Variants in INTU observed in about 807,000 individuals in gnomAD.
The protein encoded by INTU is inturned planar cell polarity protein.
A neutral mutation model predicts 100.5 loss-of-function variants in INTU; 68 were observed. The ratio of observed to expected loss-of-function variants is 0.68; its 90% CI spans 0.56 to 0.83. INTU has a LOEUF of 0.83. Among genes scored for constraint, INTU ranks in the 40% least tolerant of loss-of-function variants. The pLI, the probability that INTU is intolerant of heterozygous loss-of-function variation, is 0.00. For missense variants in INTU, 1,071 were observed against 1,114.7 expected, an observed-to-expected ratio of 0.96 and a Z score of 0.56; for synonymous variants, 357 against 395.7, an observed-to-expected ratio of 0.90 and a Z score of 1.16.
At chr4:127,698,259 G>A (rs531705642) in intron 8 of INTU, among the ~76,000 whole-genome samples, 9 of 152,052 alleles carry the variant, frequency 5.9e-5, no homozygotes, top group South Asian at 2.1e-4. Flanking sequence ...TCAGGAGTTC[G>A]AGACCATCCT....
intron 13 of INTU, among the ~76,000 whole-genome samples, chr4:127,709,711 TCACACACACACA>T (rs3066389): frequency 2.1e-5 from 3 of 143,304 alleles, no homozygotes; most frequent in African/African-American, 7.9e-5. Context: ...CTAATAGAAT[TCACACACACACA>T]CACACACACA....
At chr4:127,642,160 T>C (rs1272057066) in intron 1 of INTU, among the ~76,000 whole-genome samples, 1 of 152,148 alleles carries the variant, frequency 6.6e-6, no homozygotes, top group Non-Finnish European at 1.5e-5. Context: ...CTCTCAAGAG[T>C]AGAACTGCAT....
At chr4:127,679,383 C>T (rs1164826600) in intron 6 of INTU, among the ~76,000 whole-genome samples, 4 of 152,050 alleles carry the variant, frequency 2.6e-5, no homozygotes, top group Admixed American at 1.3e-4. Context: ...TGTAAAAGAA[C>T]AGAAATTATA....
At chr4:127,638,037 T>TCCA (rs1727150511) in intron 1 of INTU, among the ~76,000 whole-genome samples, 1 of 152,174 alleles carries the variant, frequency 6.6e-6, no homozygotes, top group Non-Finnish European at 1.5e-5. Flanking sequence ...CCAGCATACA[T>TCCA]GTTAATGATT....
At chr4:127,678,032 A>G (rs372452003) in intron 6 of INTU, among the ~76,000 whole-genome samples, 3 of 152,266 alleles carry the variant, frequency 2.0e-5, no homozygotes, top group East Asian at 1.9e-4. Flanking sequence ...GAAATGAAGC[A>G]AGAAGGGAAG....
At chr4:127,678,351 C>G (rs1057365645) in intron 6 of INTU, among the ~76,000 whole-genome samples, 9 of 152,102 alleles carry the variant, frequency 5.9e-5, no homozygotes, top group Non-Finnish European at 8.8e-5. Flanking sequence ...CAGCCAGAGA[C>G]AAAGTTCGGG....
intron 5 of INTU, among the ~76,000 whole-genome samples, chr4:127,670,453 AGT>A (rs1728873808): frequency 1.3e-5 from 2 of 151,964 alleles, no homozygotes; most frequent in Non-Finnish European, 2.9e-5. Flanking sequence ...ACAAACTGTT[AGT>A]TTATTTTCAA....
intron 5 of INTU, among the ~76,000 whole-genome samples, chr4:127,673,319 C>G (rs1169516749): frequency 1.3e-5 from 2 of 151,226 alleles, no homozygotes; most frequent in Admixed American, 6.6e-5. Context: ...TAGCTAGGGA[C>G]TACAGGACCA....
Position 127,719,072 on chromosome 4 carries a change from G to T in INTU, c.*2636G>T, listed in dbSNP as rs1251722895. The T allele has an allele frequency of 6.6e-6, 1 of 152,164 alleles. No individual in the cohort carries two copies. The highest frequency in any genetic ancestry group is 6.5e-5 in the Admixed American group (1 of 15,272). The allele number at this position is 152,164 out of a possible 1,614,324, so 9.4% of individuals were successfully genotyped here. ...CTTGTCTTGTGCTGGTTTTCAAGGG[G>T]AGTGCTTCCAGCTTTTGCCCATTCG... On this transcript the variant is annotated 3_prime_UTR_variant, in exon 16 of 16. Coordinates refer to ENST00000335251, the MANE Select transcript of INTU (RefSeq NM_015693.4).
chr4:127,687,507 A>G, intron 7 of INTU, 171 bp from the exon 8 acceptor site: 1 of 497,308 alleles, frequency 2.0e-6, no homozygotes, highest in Non-Finnish European at 3.5e-6. Context: ...GGACAGGGTA[A>G]ATTTCTTTAC....
intron 1 of INTU, among the ~76,000 whole-genome samples, chr4:127,640,339 A>T (rs899857192): frequency 1.3e-5 from 2 of 151,742 alleles, no homozygotes; most frequent in African/African-American, 4.8e-5. Context: ...GCTTTTCAGT[A>T]TAAGTTGCCC....
At chr4:127,713,005 A>T (rs1376278079) in intron 14 of INTU, among the ~76,000 whole-genome samples, 1 of 152,204 alleles carries the variant, frequency 6.6e-6, no homozygotes, top group African/African-American at 2.4e-5. Flanking sequence ...ACTGAGTGAG[A>T]AGAAAGTGGA....
Position 127,705,616 on chromosome 4 carries a change from C to T in INTU, c.1592C>T (p.Pro531Leu). 3 of 1,613,758 alleles carry T rather than the reference C, an allele frequency of 1.9e-6. No individual in the cohort carries two copies. Among genetic ancestry groups the T allele is most frequent in the Non-Finnish European group, 2.5e-6 (3 of 1,179,806 alleles). Residue 531 changes from proline (P) to leucine (L), a missense_variant, in exon 11 of 16, where the codon CCC (proline) becomes CTC (leucine). Coordinates refer to ENST00000335251, the MANE Select transcript of INTU (RefSeq NM_015693.4). ...YKGYLICSHLPKDDLIDIAVY... is the reference protein window; with the variant it reads ...YKGYLICSHLLKDDLIDIAVY... ...GGTTATTTGATATGCAGTCATTTGC[C>T]CAAGGATGATCTTATTGATATTGCC...
chr4:127,634,087 G>A (rs1278799074), intron 1 of INTU, among the ~76,000 whole-genome samples: 1 of 152,154 alleles, frequency 6.6e-6, no homozygotes, highest in East Asian at 1.9e-4. Context: ...AGGAGCAACT[G>A]TTATTTGGCA....
In INTU at chr4:127,687,828, C is replaced by G. The variant is rs151039121; in HGVS notation, c.1410C>G (p.Leu470=). 22,288 of 1,599,868 alleles carry G rather than the reference C, an allele frequency of 0.014. 195 individuals are homozygous for G. The highest frequency in any genetic ancestry group is 0.017 in the Middle Eastern group (103 of 6,006). The change falls in exon 8 of 16, where the codon CTC becomes CTG. Residue 470 remains leucine (L), a synonymous_variant. Transcript: ENST00000335251. Reference sequence around the variant, plus strand: ...CCAGTGCAGTACTTTTAGACAACCTCCCTGGAGTCCGGTGGCTCACACTTC... The same window carrying G: ...CCAGTGCAGTACTTTTAGACAACCTGCCTGGAGTCCGGTGGCTCACACTTC... The part of the protein sequence containing the change: ...DASSAVLLDN[L]PGVRWLTLPL...
At chr4:127,675,616 C>T (rs1322345666) in intron 6 of INTU, among the ~76,000 whole-genome samples, 1 of 152,094 alleles carries the variant, frequency 6.6e-6, no homozygotes, top group African/African-American at 2.4e-5. Flanking sequence ...GGTTACAGTC[C>T]AGTGTTGGCC....
At chr4:127,681,356 T>G (rs1332924280) in intron 6 of INTU, among the ~76,000 whole-genome samples, 20 of 152,124 alleles carry the variant, frequency 1.3e-4, no homozygotes. Context: ...CAAACTATAC[T>G]ACAAGGCTAC....
intron 1 of INTU, among the ~76,000 whole-genome samples, chr4:127,641,406 T>C (rs1317660210): frequency 6.6e-6 from 1 of 152,192 alleles, no homozygotes; most frequent in Non-Finnish European, 1.5e-5. Context: ...CCAGTGGTTG[T>C]CCGTCTAGGC....
chr4:127,696,531 C>A (rs78593873), intron 8 of INTU, among the ~76,000 whole-genome samples: 2 of 151,806 alleles, frequency 1.3e-5, no homozygotes, highest in Admixed American at 6.6e-5. Flanking sequence ...AATGCCCCCC[C>A]CCTTTCATTT....
Sources: allele counts gnomAD v4.1 joint callset (sites outside exome capture counted in the v4.1 genomes callset), GRCh38; gene constraint gnomAD v4.1.1; transcripts MANE v1.5; gene names NCBI Gene and HGNC (gene_info 2026-07-23, HGNC 2026-07-21).